RASGRP3: variants seen among roughly 807,000 people sequenced by gnomAD.
RASGRP3 encodes RAS guanyl releasing protein 3, also known as ras guanyl-releasing protein 3.
RASGRP3 carries 54 observed loss-of-function variants against 82.7 expected under a neutral mutation model. That is an observed-to-expected ratio of 0.65 (90% confidence interval 0.52 to 0.82). RASGRP3 has a LOEUF of 0.82. Among genes scored for constraint, RASGRP3 ranks in the 40% least tolerant of loss-of-function variants. The probability of loss-of-function intolerance (pLI) is 0.00; values close to 1 mark genes in which losing one functional copy is unlikely to be tolerated. For missense variants in RASGRP3, 861 were observed against 828.9 expected (o/e 1.04, Z -0.48); for synonymous variants, 309 against 300.5 (o/e 1.03, Z -0.29).
chr2:33,543,365 T>C (rs1574469638), intron 12 of RASGRP3, 147 bp from the exon 13 acceptor site: 2 of 576,390 alleles, frequency 3.5e-6, no homozygotes. Flanking sequence ...CTTGTTATAT[T>C]ATAAAGGCTT....
chr2:33,534,578 G>A (rs1021222810), intron 11 of RASGRP3, among the ~76,000 whole-genome samples, 178 bp downstream of exon 11: 2 of 151,982 alleles, frequency 1.3e-5, no homozygotes, highest in African/African-American at 2.4e-5. Context: ...GCCTGGGCTG[G>A]AGTGCAATGG....
intron 14 of RASGRP3, among the ~76,000 whole-genome samples, chr2:33,552,506 C>T (rs1425378063): frequency 6.6e-6 from 1 of 151,822 alleles, no homozygotes; most frequent in Non-Finnish European, 1.5e-5. Context: ...TTTATTGGTA[C>T]GATTTGATTT....
intron 1 of RASGRP3, among the ~76,000 whole-genome samples, chr2:33,485,283 T>A (rs1463315299): frequency 2.0e-5 from 3 of 152,236 alleles, no homozygotes; most frequent in Admixed American, 2.0e-4. Context: ...TGACATTATG[T>A]CATTGTCATG....
In RASGRP3 at chr2:33,488,527, G is replaced by C. The variant is rs370714525; in HGVS notation, c.-261+11820G>C. Among the ~76,000 whole-genome samples the C allele has an allele frequency of 1.7e-4, 26 of 152,196 alleles. 1 individual carries two copies. The East Asian group carries it at 3.5e-3, about 20-fold the overall frequency. ...GAGGTAAAATGCTCTCACAAAAAAA[G>C]AACTCTCCATACACAATGGAAAAAA... is the stretch of plus-strand genomic sequence containing the variant. On this transcript the variant is annotated intron_variant, in intron 1 of 17. Coordinates refer to ENST00000403687, the MANE Select transcript of RASGRP3 (RefSeq NM_001139488.2).
intron 7 of RASGRP3, 126 bp downstream of exon 7, chr2:33,522,228 T>G (rs1672107481): frequency 9.9e-7 from 1 of 1,015,084 alleles, no homozygotes; most frequent in Non-Finnish European, 1.4e-6. Context: ...GAAGTGCCCT[T>G]AATTCACAGG....
chr2:33,485,659 T>C (rs1668309014), intron 1 of RASGRP3, among the ~76,000 whole-genome samples: 1 of 152,238 alleles, frequency 6.6e-6, no homozygotes, highest in African/African-American at 2.4e-5. Flanking sequence ...TTCATTCCCA[T>C]GAAATGTTTC....
At chr2:33,466,649 C>T (rs13406014) in intron 2 of RASGRP3, among the ~76,000 whole-genome samples, 5 of 148,584 alleles carry the variant, frequency 3.4e-5, no homozygotes, top group African/African-American at 5.0e-5. Flanking sequence ...ATTGCGCTGC[C>T]GTGTGGGCAA....
intron 2 of RASGRP3, among the ~76,000 whole-genome samples, chr2:33,449,489 C>T (rs776949501): frequency 2.6e-5 from 4 of 152,210 alleles, no homozygotes; most frequent in Non-Finnish European, 1.5e-5. Flanking sequence ...AGGCCGGGCG[C>T]GGTGGCTCAC....
chr2:33,441,186 C>G (rs919807144), intron 1 of RASGRP3, among the ~76,000 whole-genome samples: 1 of 152,176 alleles, frequency 6.6e-6, no homozygotes, highest in Non-Finnish European at 1.5e-5. Context: ...GCCACGGCAC[C>G]CAGCCTCCAA....
intron 1 of RASGRP3, among the ~76,000 whole-genome samples, chr2:33,479,949 G>A (rs539771200): frequency 1.3e-5 from 2 of 152,212 alleles, no homozygotes; most frequent in East Asian, 3.9e-4. Context: ...GCCATGTGTG[G>A]ATGTTTCTGA....
chr2:33,533,978 T>G (rs1673350299), intron 10 of RASGRP3: 1 of 216,096 alleles, frequency 4.6e-6, no homozygotes, highest in Non-Finnish European at 9.2e-6. Flanking sequence ...AAGGCAGCAT[T>G]TATTACATTT....
At chr2:33,439,998 GGGTATGGTTATAGGA>G (rs541634729) in intron 1 of RASGRP3, among the ~76,000 whole-genome samples, 107 of 152,214 alleles carry the variant, frequency 7.0e-4, no homozygotes, top group African/African-American at 2.4e-3. Context: ...CAAACTAATT[GGGTATGGTTATAGGA>G]GGAGAGAATG....
rs116642857 is a variant in RASGRP3 at position 33,466,741 on chromosome 2, C to T, written c.-261+18798C>T. ...GCAGATGCAGGGGAAACAGACATAA[C>T]GCTATTGCACACTTAACAGACTACA... On this transcript the variant is annotated intron_variant, in intron 2 of 18. Coordinates refer to the RASGRP3 transcript ENST00000402538. 5.9e-3 allele frequency among the ~76,000 whole-genome samples: 887 copies of T among 151,224 alleles called. 8 individuals are homozygous for T. The highest frequency in any genetic ancestry group is 0.052 in the Middle Eastern group (15 of 288).
At chr2:33,481,475 T>A (rs908004079) in intron 1 of RASGRP3, 1 of 152,074 alleles carries the variant, frequency 6.6e-6, no homozygotes, top group African/African-American at 2.4e-5. Flanking sequence ...TATGCTATCT[T>A]TCAAAGAAAG....
chr2:33,498,149 C>G (rs966870073), intron 1 of RASGRP3, among the ~76,000 whole-genome samples: 2 of 152,094 alleles, frequency 1.3e-5, no homozygotes, highest in Admixed American at 1.3e-4. Context: ...ACTTTTTGGT[C>G]CCTTACCAAG....
At chr2:33,490,772 A>T (rs1668776457) in intron 1 of RASGRP3, among the ~76,000 whole-genome samples, 1 of 152,190 alleles carries the variant, frequency 6.6e-6, no homozygotes, top group Non-Finnish European at 1.5e-5. Context: ...TGCATCTCAG[A>T]TCTTTCCCTG....
intron 1 of RASGRP3, among the ~76,000 whole-genome samples, chr2:33,504,201 A>C (rs1670141922): frequency 6.6e-6 from 1 of 152,046 alleles, no homozygotes; most frequent in African/African-American, 2.4e-5. Context: ...TATTGGACTT[A>C]GCCTGTATTT....
At position 33,484,925 on chromosome 2, in the gene RASGRP3, G is replaced by A. The variant is rs200771923; in HGVS notation, c.-261+8218G>A. 9.2e-5 allele frequency among the ~76,000 whole-genome samples: 14 copies of A among 152,222 alleles called. No homozygotes were observed. The East Asian group carries it at 2.3e-3, about 25-fold the overall frequency. On this transcript the variant is annotated intron_variant, in intron 1 of 17. Transcript: ENST00000403687. Reference sequence around the variant, plus strand: ...TTAAAACTGATGCCCTTGGCCGGGTGCAGTGGCTCACACCTGTAATCCCAG... The same window carrying A: ...TTAAAACTGATGCCCTTGGCCGGGTACAGTGGCTCACACCTGTAATCCCAG...
At chr2:33,446,491 ATTT>A (rs10710881) in intron 1 of RASGRP3, among the ~76,000 whole-genome samples, 1 of 147,492 alleles carries the variant, frequency 6.8e-6, no homozygotes. Context: ...AATTTTTTGG[ATTT>A]TTTTTTTTTT....
Sources: gnomAD v4.1 joint callset for allele counts (sites outside exome capture counted in the v4.1 genomes callset) on GRCh38, gnomAD v4.1.1 for gene constraint, MANE v1.5 for transcripts, NCBI Gene and HGNC (gene_info 2026-07-23, HGNC 2026-07-21) for gene names.